The following SLCO4C1 variants were observed in gnomAD, a reference collection of about 807,000 sequenced individuals.
SLCO4C1 encodes solute carrier organic anion transporter family member 4C1.
SLCO4C1 carries 58 observed loss-of-function variants against 72.1 expected under a neutral mutation model. That is an observed-to-expected ratio of 0.80 (90% CI 0.65 to 1.00). SLCO4C1 has a LOEUF of 1.00. Ranked by LOEUF, SLCO4C1 falls within the 50% of genes least tolerant of loss-of-function variation. The probability of loss-of-function intolerance (pLI) is 0.00; values close to 1 mark genes in which losing one functional copy is unlikely to be tolerated. For synonymous variants in SLCO4C1, 297 were observed against 312.5 expected (o/e 0.95, Z 0.52); for missense variants, 898 against 857.9 (o/e 1.05, Z -0.58).
chr5:102,259,453 G>T lies in SLCO4C1; in HGVS notation c.1128+760C>A, dbSNP rs143425110. 4.4e-3 allele frequency among the ~76,000 whole-genome samples: 677 copies of T among 152,236 alleles called. 12 individuals are homozygous for T. Among genetic ancestry groups the T allele is most frequent in the African/African-American group, 0.016 (649 of 41,568 alleles). On this transcript the variant is annotated intron_variant, in intron 6 of 12. Coordinates refer to ENST00000310954, the MANE Select transcript of SLCO4C1 (RefSeq NM_180991.5). ...CAATATCAGCAAAACACAAGAATGTGCATGTATGGTGTGGAGAGTTGAAAG... is the reference window on the plus strand; with the variant it reads ...CAATATCAGCAAAACACAAGAATGTTCATGTATGGTGTGGAGAGTTGAAAG...
rs761940100 is a variant in SLCO4C1 at position 102,240,701 on chromosome 5, A to G, written c.1876+17T>C. 2 of 1,603,758 alleles carry G rather than the reference A, an allele frequency of 1.2e-6. No homozygotes were observed. ...AAATAGCCAACAGTTAGCAATGAATAAAGAAAAATGGCATACCTAATAATC... is the reference window on the plus strand; with the variant it reads ...AAATAGCCAACAGTTAGCAATGAATGAAGAAAAATGGCATACCTAATAATC... On this transcript the variant is annotated intron_variant, in intron 11 of 12. Transcript: ENST00000310954.
intron 8 of SLCO4C1, among the ~76,000 whole-genome samples, chr5:102,256,177 C>A (rs1219662215): frequency 2.0e-5 from 3 of 151,996 alleles, no homozygotes; most frequent in African/African-American, 7.2e-5. Context: ...GCACTCCAGC[C>A]TGGGTGACAG....
In SLCO4C1 at chr5:102,296,000, T is replaced by G; in HGVS notation, c.263A>C (p.Tyr88Ser). The change falls in exon 1 of 13, where the codon TAC (tyrosine) becomes TCC (serine). Residue 88 changes from tyrosine to serine, a missense_variant. By Grantham distance (144) the Tyr-to-Ser change is moderately radical. Transcript: ENST00000310954. Reference sequence around the variant, plus strand: ...TTGAGGATGGAAGTTCCTCCAGCCGTAAGACCCCTCCTCAAACTCGGACAG... The same window carrying G: ...TTGAGGATGGAAGTTCCTCCAGCCGGAAGACCCCTCCTCAAACTCGGACAG... ...LSLSEFEEGS[Y>S]GWRNFHPQCL... 1 of 1,614,184 alleles carries G rather than the reference T, an allele frequency of 6.2e-7. No individual in the cohort carries two copies. Among genetic ancestry groups the G allele is most frequent in the Non-Finnish European group, 8.5e-7 (1 of 1,180,034 alleles).
intron 3 of SLCO4C1, among the ~76,000 whole-genome samples, chr5:102,266,239 A>G (rs1382615340): frequency 6.6e-6 from 1 of 152,104 alleles, no homozygotes; most frequent in Non-Finnish European, 1.5e-5. Context: ...AGACTATGTC[A>G]TCTGTGGAGA....
intron 5 of SLCO4C1, 60 bp from the exon 6 acceptor site, chr5:102,260,379 GTATAATATA>G: frequency 3.9e-6 from 1 of 255,448 alleles, no homozygotes; most frequent in African/African-American, 2.5e-5. Flanking sequence ...TATATTATAT[GTATAATATA>G]TATAATATAT....
At chr5:102,249,576 G>T (rs1748698168) in intron 9 of SLCO4C1, 62 bp downstream of exon 9, 3 of 1,569,138 alleles carry the variant, frequency 1.9e-6, no homozygotes, top group Non-Finnish European at 1.7e-6. Flanking sequence ...CCCCATTAGA[G>T]AAGTCAAGAT....
Position 102,236,154 on chromosome 5 carries a change from T to G in SLCO4C1, c.*704A>C, listed in dbSNP as rs908907457. 2 of 152,200 alleles carry G rather than the reference T, an allele frequency of 1.3e-5. No individual in the cohort carries two copies. The highest frequency in any genetic ancestry group is 4.8e-5 in the African/African-American group (2 of 41,444). 9.4% of individuals were successfully genotyped at this position (152,200 alleles called of 1,614,324 possible). On this transcript the variant is annotated 3_prime_UTR_variant, in exon 13 of 13. Coordinates refer to ENST00000310954, the MANE Select transcript of SLCO4C1 (RefSeq NM_180991.5). ...ATTGTAATATCAACAAATTACCTCCTGGAATTCTTGAGTTAAAGTGAAAAT... is the reference window on the plus strand; with the variant it reads ...ATTGTAATATCAACAAATTACCTCCGGGAATTCTTGAGTTAAAGTGAAAAT...
At position 102,296,221 on chromosome 5, in the gene SLCO4C1, G is replaced by C. The variant is rs62372168; in HGVS notation, c.42C>G (p.Pro14=). ...AGCGGCGCAGGATGTCTGGGCTGGA[G>C]GGGACAAAAGCCAAGTTCTCAATAC... ...AKGIENLAFV[P]SSPDILRRLS... is the part of the protein sequence containing the mutation. Residue 14 remains proline (P), a synonymous_variant, in exon 1 of 13, where the codon CCC becomes CCG. Coordinates refer to ENST00000310954, the MANE Select transcript of SLCO4C1 (RefSeq NM_180991.5). 1.9e-6 allele frequency: 3 copies of C among 1,578,260 alleles called. No homozygotes were observed. In the Admixed American group the frequency reaches 5.6e-5, roughly 29 times the overall value.
intron 2 of SLCO4C1, among the ~76,000 whole-genome samples, chr5:102,283,588 C>CA (rs544259565): frequency 0.07 from 4,962 of 70,584 alleles, 137 homozygotes; most frequent in African/African-American, 0.16. Context: ...AAGGAAGCTA[C>CA]AAAAAAAAAA....
intron 2 of SLCO4C1, among the ~76,000 whole-genome samples, chr5:102,277,090 G>T (rs1232012961): frequency 6.6e-6 from 1 of 151,954 alleles, no homozygotes. Flanking sequence ...GCCAAAGGCT[G>T]CATACAAAAC....
At chr5:102,278,911 T>C (rs1749303769) in intron 2 of SLCO4C1, among the ~76,000 whole-genome samples, 1 of 151,070 alleles carries the variant, frequency 6.6e-6, no homozygotes, top group Non-Finnish European at 1.5e-5. Flanking sequence ...AAATCAATAA[T>C]CTAAGCTTCC....
chr5:102,274,454 A>G (rs1749210561), intron 2 of SLCO4C1, among the ~76,000 whole-genome samples: 1 of 152,206 alleles, frequency 6.6e-6, no homozygotes, highest in African/African-American at 2.4e-5. Context: ...GCTCAGCCAA[A>G]TGCTTAACCC....
At chr5:102,244,777 G>A (rs1748607549) in intron 10 of SLCO4C1, among the ~76,000 whole-genome samples, 2 of 152,148 alleles carry the variant, frequency 1.3e-5, no homozygotes, top group African/African-American at 2.4e-5. Context: ...TCTTACCTTA[G>A]AATAGTATAT....
chr5:102,237,810 A>G (rs1184728947), intron 12 of SLCO4C1, among the ~76,000 whole-genome samples: 4 of 152,190 alleles, frequency 2.6e-5, no homozygotes, highest in Non-Finnish European at 4.4e-5. Flanking sequence ...GGAGGATATC[A>G]CACTCAATAC....
At chr5:102,274,832 G>T (rs188991650) in intron 2 of SLCO4C1, among the ~76,000 whole-genome samples, 8 of 152,104 alleles carry the variant, frequency 5.3e-5, no homozygotes, top group Admixed American at 5.2e-4. Flanking sequence ...CCTAACCACT[G>T]CCCTGAGGAA....
At chr5:102,272,064 C>T (rs903257730) in intron 2 of SLCO4C1, among the ~76,000 whole-genome samples, 10 of 152,082 alleles carry the variant, frequency 6.6e-5, no homozygotes, top group African/African-American at 2.4e-4. Flanking sequence ...GGCATCCAGG[C>T]AGGCCCCAAG....
intron 2 of SLCO4C1, among the ~76,000 whole-genome samples, chr5:102,288,670 A>G (rs972109465): frequency 6.6e-6 from 1 of 152,148 alleles, no homozygotes; most frequent in African/African-American, 2.4e-5. Flanking sequence ...TTGCTTTGAC[A>G]ATGCTGACCA....
intron 1 of SLCO4C1, among the ~76,000 whole-genome samples, chr5:102,292,483 C>A (rs2112406665): frequency 6.6e-6 from 1 of 152,208 alleles, no homozygotes; most frequent in South Asian, 2.1e-4. Flanking sequence ...AAAGAGATAA[C>A]CTTGATTTAG....
intron 1 of SLCO4C1, among the ~76,000 whole-genome samples, chr5:102,295,370 T>C (rs1254271778): frequency 2.0e-5 from 3 of 152,216 alleles, no homozygotes; most frequent in Non-Finnish European, 2.9e-5. Context: ...GGTGACCACA[T>C]ACTCTCAAAC....
Sources: allele counts gnomAD v4.1 joint callset (sites outside exome capture counted in the v4.1 genomes callset), GRCh38; gene constraint gnomAD v4.1.1; transcripts MANE v1.5; gene names NCBI Gene and HGNC (gene_info 2026-07-23, HGNC 2026-07-21).